Variants in ANGPT1 observed in about 807,000 individuals in gnomAD.
The protein encoded by ANGPT1 is angiopoietin 1.
In ANGPT1, 17 loss-of-function variants were observed where a neutral mutation model predicts 62.2. That is an observed-to-expected ratio of 0.27 (90% confidence interval 0.19 to 0.41). ANGPT1 has a LOEUF of 0.41. ANGPT1 is among the 10% of genes least tolerant of loss of function. The probability of loss-of-function intolerance (pLI) is 1.00; values close to 1 mark genes in which losing one functional copy is unlikely to be tolerated. For missense variants in ANGPT1, 478 were observed against 594.9 expected, an observed-to-expected ratio of 0.80 and a Z score of 2.04; for synonymous variants, 199 against 198.9, an observed-to-expected ratio of 1.00 and a Z score of 0.00.
At chr8:107,478,347 G>A (rs949520921) in intron 1 of ANGPT1, among the ~76,000 whole-genome samples, 5 of 151,584 alleles carry the variant, frequency 3.3e-5, no homozygotes, top group Admixed American at 1.3e-4. Flanking sequence ...TCAGGAGCTC[G>A]AGACCAGCCT....
chr8:107,256,027 G>C (rs1813349503), intron 8 of ANGPT1, among the ~76,000 whole-genome samples: 1 of 152,138 alleles, frequency 6.6e-6, no homozygotes, highest in African/African-American at 2.4e-5. Context: ...TGGCATTTAA[G>C]TTCCTAATTT....
intron 2 of ANGPT1, among the ~76,000 whole-genome samples, chr8:107,346,121 T>C (rs1313609496): frequency 6.6e-6 from 1 of 152,204 alleles, no homozygotes; most frequent in African/African-American, 2.4e-5. Context: ...TATTTTTCTT[T>C]AAATACCAAT....
At chr8:107,473,357 A>G (rs1276345791) in intron 1 of ANGPT1, among the ~76,000 whole-genome samples, 2 of 152,032 alleles carry the variant, frequency 1.3e-5, no homozygotes, top group African/African-American at 2.4e-5. Flanking sequence ...TCCGCTTGCT[A>G]TATGATGAAA....
chr8:107,416,504 C>T (rs963334212), intron 1 of ANGPT1, among the ~76,000 whole-genome samples: 17 of 152,180 alleles, frequency 1.1e-4, no homozygotes, highest in Non-Finnish European at 2.4e-4. Flanking sequence ...TGTTCACCTT[C>T]CTGTAGGCTT....
chr8:107,363,061 G>A (rs1816199599), intron 1 of ANGPT1, among the ~76,000 whole-genome samples: 1 of 149,536 alleles, frequency 6.7e-6, no homozygotes, highest in Non-Finnish European at 1.5e-5. Context: ...AGAGCTCCCA[G>A]AATGTGTCAG....
intron 8 of ANGPT1, among the ~76,000 whole-genome samples, chr8:107,259,117 C>T (rs186890596): frequency 6.6e-6 from 1 of 152,238 alleles, no homozygotes; most frequent in Non-Finnish European, 1.5e-5. Context: ...AAAAGTAGTG[C>T]AATGTAGATT....
intron 1 of ANGPT1, among the ~76,000 whole-genome samples, chr8:107,370,823 A>G (rs1263937682): frequency 2.0e-5 from 3 of 152,172 alleles, no homozygotes; most frequent in Non-Finnish European, 4.4e-5. Context: ...ACAAATAACC[A>G]TAACAGATAA....
chr8:107,431,205 A>T (rs1268633739), intron 1 of ANGPT1, among the ~76,000 whole-genome samples: 1 of 152,222 alleles, frequency 6.6e-6, no homozygotes, highest in Non-Finnish European at 1.5e-5. Flanking sequence ...CATTGTATAT[A>T]GTATATTGGT....
rs959238815 is a variant in ANGPT1 at position 107,344,666 on chromosome 8, A to G, written c.453+2276T>C. Among the ~76,000 whole-genome samples, 11 of 152,342 alleles carry G rather than the reference A, an allele frequency of 7.2e-5. No homozygotes were observed. In the East Asian group the frequency reaches 7.7e-4, roughly 11 times the overall value. ...ATCATGTGAAAGCTAGTGCATTAAAATATATTGGAAAGACATTGTCATGAG... is the reference window on the plus strand; with the variant it reads ...ATCATGTGAAAGCTAGTGCATTAAAGTATATTGGAAAGACATTGTCATGAG... On this transcript the variant is annotated intron_variant, in intron 2 of 8. Coordinates refer to ENST00000517746, the MANE Select transcript of ANGPT1 (RefSeq NM_001146.5).
At chr8:107,370,257 AAAAG>A (rs1165314405) in intron 1 of ANGPT1, among the ~76,000 whole-genome samples, 2 of 148,890 alleles carry the variant, frequency 1.3e-5, no homozygotes, top group Admixed American at 6.8e-5. Flanking sequence ...GAGAGAGAGA[AAAAG>A]AAAGAGAAGG....
At chr8:107,472,198 C>T (rs1168822552) in intron 1 of ANGPT1, among the ~76,000 whole-genome samples, 1 of 152,012 alleles carries the variant, frequency 6.6e-6, no homozygotes, top group African/African-American at 2.4e-5. Flanking sequence ...CATTGGCAAG[C>T]AGACATACTA....
At chr8:107,364,370 TC>T (rs1387805489) in intron 1 of ANGPT1, among the ~76,000 whole-genome samples, 1 of 152,102 alleles carries the variant, frequency 6.6e-6, no homozygotes, top group Non-Finnish European at 1.5e-5. Context: ...AACCTCCATC[TC>T]CCAGGTTCAA....
At chr8:107,395,018 A>T (rs1478504766) in intron 1 of ANGPT1, among the ~76,000 whole-genome samples, 1 of 152,180 alleles carries the variant, frequency 6.6e-6, no homozygotes, top group Non-Finnish European at 1.5e-5. Context: ...AGATGATATT[A>T]TAATAAATGC....
intron 1 of ANGPT1, among the ~76,000 whole-genome samples, chr8:107,412,404 TAAATA>T (rs1397036026): frequency 6.6e-6 from 1 of 151,218 alleles, no homozygotes; most frequent in Non-Finnish European, 1.5e-5. Flanking sequence ...CCATTAGAAA[TAAATA>T]AAGGGATAAT....
intron 6 of ANGPT1, among the ~76,000 whole-genome samples, chr8:107,288,560 G>A (rs1277633948): frequency 3.3e-5 from 5 of 152,066 alleles, no homozygotes; most frequent in Non-Finnish European, 7.4e-5. Context: ...GTATGTCTGG[G>A]GTGGACTCAG....
chr8:107,441,566 G>T (rs1414443264), intron 1 of ANGPT1, among the ~76,000 whole-genome samples: 1 of 152,180 alleles, frequency 6.6e-6, no homozygotes, highest in Non-Finnish European at 1.5e-5. Flanking sequence ...TCAGGAGTCG[G>T]ACAGATCTTT....
At chr8:107,369,194 C>A (rs1816331422) in intron 1 of ANGPT1, among the ~76,000 whole-genome samples, 1 of 152,196 alleles carries the variant, frequency 6.6e-6, no homozygotes, top group Non-Finnish European at 1.5e-5. Context: ...CTTGCTGCCT[C>A]ACCTTGCCCT....
intron 1 of ANGPT1, among the ~76,000 whole-genome samples, chr8:107,447,406 A>G (rs899079446): frequency 6.6e-6 from 1 of 152,170 alleles, no homozygotes. Context: ...AGTATTTCTT[A>G]AAAAAGCAAA....
intron 3 of ANGPT1, among the ~76,000 whole-genome samples, chr8:107,329,554 T>C (rs1262583954): frequency 1.3e-5 from 2 of 152,086 alleles, no homozygotes; most frequent in African/African-American, 4.8e-5. Context: ...GTAAACACGA[T>C]CTCTATTTTA....
Sources: allele counts gnomAD v4.1 joint callset (sites outside exome capture counted in the v4.1 genomes callset), GRCh38; gene constraint gnomAD v4.1.1; transcripts MANE v1.5; gene names NCBI Gene and HGNC (gene_info 2026-07-23, HGNC 2026-07-21).